SEZ6L: variants seen among roughly 807,000 people sequenced by gnomAD.
SEZ6L encodes seizure 6-like protein.
In SEZ6L, 37 loss-of-function variants were observed where a neutral mutation model predicts 106.2. The ratio of observed to expected loss-of-function variants is 0.35; its 90% CI spans 0.27 to 0.46. The LOEUF is 0.46. SEZ6L is among the 20% of genes least tolerant of loss of function. SEZ6L has a pLI of 1.00. For missense variants in SEZ6L, 1,172 were observed against 1,332.8 expected (o/e 0.88, Z 1.88); for synonymous variants, 541 against 570.4 (o/e 0.95, Z 0.73).
At chr22:26,258,637 G>T (rs2079902492) in intron 1 of SEZ6L, among the ~76,000 whole-genome samples, 1 of 152,160 alleles carries the variant, frequency 6.6e-6, no homozygotes, top group South Asian at 2.1e-4. Flanking sequence ...CTAGCAAATT[G>T]CAGTATTTAT....
intron 10 of SEZ6L, among the ~76,000 whole-genome samples, chr22:26,343,952 G>A (rs1460027233): frequency 6.6e-6 from 1 of 152,232 alleles, no homozygotes; most frequent in Non-Finnish European, 1.5e-5. Context: ...CTATGGCAAA[G>A]AATGCCATGA....
chr22:26,300,101 G>A (rs1410940451), intron 5 of SEZ6L, among the ~76,000 whole-genome samples: 1 of 152,148 alleles, frequency 6.6e-6, no homozygotes, highest in African/African-American at 2.4e-5. Context: ...TTTCATGTAT[G>A]TGTTGGCCAT....
At chr22:26,206,992 G>C (rs555409350) in intron 1 of SEZ6L, among the ~76,000 whole-genome samples, 1 of 152,122 alleles carries the variant, frequency 6.6e-6, no homozygotes, top group Non-Finnish European at 1.5e-5. Context: ...TGTGAACCTC[G>C]ACAACGCTTA....
At chr22:26,344,596 C>T (rs2082948460) in intron 10 of SEZ6L, among the ~76,000 whole-genome samples, 1 of 152,168 alleles carries the variant, frequency 6.6e-6, no homozygotes, top group African/African-American at 2.4e-5. Context: ...GCATTCAGTG[C>T]ATTTGTGCAT....
intron 1 of SEZ6L, among the ~76,000 whole-genome samples, chr22:26,218,056 G>A (rs914587123): frequency 6.6e-6 from 1 of 152,214 alleles, no homozygotes; most frequent in African/African-American, 2.4e-5. Flanking sequence ...TAAACACACA[G>A]TTGAGTAGGA....
At position 26,294,154 on chromosome 22, in the gene SEZ6L, C is replaced by A; in HGVS notation, c.836-138C>A. On this transcript the variant is annotated intron_variant, in intron 2 of 16. Coordinates refer to ENST00000248933, the MANE Select transcript of SEZ6L (RefSeq NM_021115.5). ...TTTTATTATCATGTCAATTCTGGAG[C>A]TGAGGAATTAACAGCAGAAGGACAG... 5.5e-6 allele frequency: 4 copies of A among 723,812 alleles called. No individual in the cohort carries two copies. The South Asian group carries it at 7.4e-5, about 13-fold the overall frequency. 44.8% of individuals were successfully genotyped at this position (723,812 alleles called of 1,614,324 possible).
intron 14 of SEZ6L, among the ~76,000 whole-genome samples, chr22:26,374,337 A>T (rs2146081865): frequency 6.6e-6 from 1 of 152,028 alleles, no homozygotes; most frequent in Admixed American, 6.6e-5. Flanking sequence ...CTTTCTGACA[A>T]TAATGAGTTC....
intron 1 of SEZ6L, among the ~76,000 whole-genome samples, chr22:26,243,151 T>A (rs4822695): frequency 0.37 from 55,623 of 152,108 alleles, 11,229 homozygotes; most frequent in East Asian, 0.52. Flanking sequence ...TAATTCTGAA[T>A]GATCTCATCT....
intron 12 of SEZ6L, among the ~76,000 whole-genome samples, chr22:26,354,348 T>G (rs1601595962): frequency 6.6e-6 from 1 of 152,080 alleles, no homozygotes; most frequent in East Asian, 1.9e-4. Context: ...AGGGAGAGAT[T>G]AGAGTGATGC....
chr22:26,252,303 T>C (rs1304998270), intron 1 of SEZ6L, among the ~76,000 whole-genome samples: 3 of 152,248 alleles, frequency 2.0e-5, no homozygotes, highest in Non-Finnish European at 4.4e-5. Flanking sequence ...TTTTTGGTTA[T>C]CTATCTGAAG....
chr22:26,321,051 G>A (rs2082139380), intron 9 of SEZ6L, among the ~76,000 whole-genome samples: 1 of 152,222 alleles, frequency 6.6e-6, no homozygotes, highest in Non-Finnish European at 1.5e-5. Context: ...CCAGCCAAAA[G>A]GAACAGCATG....
chr22:26,323,304 A>G (rs2145948460), intron 9 of SEZ6L, among the ~76,000 whole-genome samples: 2 of 152,348 alleles, frequency 1.3e-5, no homozygotes, highest in Middle Eastern at 3.4e-3. Flanking sequence ...AGTGTCTGGC[A>G]CAAAGAAAGT....
intron 12 of SEZ6L, among the ~76,000 whole-genome samples, chr22:26,363,229 TA>T (rs1435980185): frequency 6.6e-6 from 1 of 152,236 alleles, no homozygotes; most frequent in Non-Finnish European, 1.5e-5. Context: ...GCTTGGTAAC[TA>T]TTGTTTCAGT....
chr22:26,297,702 C>G (rs1457794991), intron 4 of SEZ6L, among the ~76,000 whole-genome samples: 1 of 152,084 alleles, frequency 6.6e-6, no homozygotes, highest in Non-Finnish European at 1.5e-5. Flanking sequence ...GTTTTGCTCT[C>G]TGTTCATTCC....
chr22:26,346,126 C>G (rs1241218641), intron 10 of SEZ6L, among the ~76,000 whole-genome samples: 1 of 152,070 alleles, frequency 6.6e-6, no homozygotes, highest in Admixed American at 6.5e-5. Flanking sequence ...CTCCCAGACT[C>G]AAGCAATCCT....
rs2145989227 is a variant in SEZ6L at position 26,340,639 on chromosome 22, G to C, written c.2212+7G>C. 6.3e-7 allele frequency: 1 copy of C among 1,596,452 alleles called. No individual in the cohort carries two copies. Among genetic ancestry groups the C allele is most frequent in the Middle Eastern group, 1.7e-4 (1 of 5,960 alleles). The stretch of plus-strand genomic sequence containing the variant: ...TTTATCATGAACTACATAGGTAGGT[G>C]TCTCATCTGGTCAATTTATTTTTTC... On this transcript the variant is annotated splice_region_variant and intron_variant, in intron 10 of 16. Transcript: ENST00000248933.
chr22:26,363,752 G>C (rs950948393), intron 12 of SEZ6L, among the ~76,000 whole-genome samples: 4 of 152,178 alleles, frequency 2.6e-5, no homozygotes, highest in Non-Finnish European at 5.9e-5. Flanking sequence ...TAGCCAAAAG[G>C]GGAAGCGACA....
At position 26,313,880 on chromosome 22, in the gene SEZ6L, C is replaced by T. The variant is rs748926529; in HGVS notation, c.1993C>T (p.Arg665Trp). 14 of 1,607,564 alleles carry T rather than the reference C, an allele frequency of 8.7e-6. No homozygotes were observed. The highest frequency in any genetic ancestry group is 2.2e-5 in the South Asian group (2 of 90,922). Residue 665 changes from arginine (R) to tryptophan (W), a missense_variant, in exon 9 of 17, where the codon CGG becomes TGG. Physicochemically the swap from Arg to Trp is moderately radical, Grantham distance 101. Transcript: ENST00000248933. ...IWKIHVGEEK[R>W]IFLDIQFLNL... is the part of the protein sequence containing the mutation. ...GAAGATCCACGTGGGAGAAGAGAAA[C>T]GGATCTTCTTAGATATCCAGTTGTG...
At chr22:26,281,099 AG>A (rs2145858693) in intron 1 of SEZ6L, among the ~76,000 whole-genome samples, 1 of 152,318 alleles carries the variant, frequency 6.6e-6, no homozygotes, top group East Asian at 1.9e-4. Context: ...TGACTCAAAA[AG>A]GCTGTTGGAT....
Sources: allele counts gnomAD v4.1 joint callset (sites outside exome capture counted in the v4.1 genomes callset), GRCh38; gene constraint gnomAD v4.1.1; transcripts MANE v1.5; gene names NCBI Gene and HGNC (gene_info 2026-07-23, HGNC 2026-07-21).